Variants in GRID2 observed in about 807,000 individuals in gnomAD.
The protein encoded by GRID2 is glutamate ionotropic receptor delta type subunit 2, also known as glutamate receptor ionotropic, delta-2.
GRID2 carries 33 observed loss-of-function variants against 114.8 expected under a neutral mutation model. That is an observed-to-expected ratio of 0.29 (90% CI 0.22 to 0.38). GRID2 has a LOEUF of 0.38. Ranked by LOEUF, GRID2 falls within the 10% of genes least tolerant of loss-of-function variation. The pLI, the probability that GRID2 is intolerant of heterozygous loss-of-function variation, is 1.00. For synonymous variants in GRID2, 505 were observed against 449.9 expected (o/e 1.12, Z -1.55); for missense variants, 1,184 against 1,257.7 (o/e 0.94, Z 0.89).
chr4:93,228,481 G>C (rs938615648), intron 7 of GRID2, among the ~76,000 whole-genome samples: 1 of 152,010 alleles, frequency 6.6e-6, no homozygotes, highest in African/African-American at 2.4e-5. Context: ...GTTTTGGTGG[G>C]GATTTCAAAC....
At position 93,068,825 on chromosome 4, in the gene GRID2, TAAAG is replaced by T. The variant is rs543765836; in HGVS notation, c.245-16166_245-16163del. Among the ~76,000 whole-genome samples the T allele has an allele frequency of 8.5e-5, 13 of 152,094 alleles. No individual in the cohort carries two copies. The South Asian group carries it at 2.5e-3, about 29-fold the overall frequency. On this transcript the variant is annotated intron_variant, in intron 2 of 15. Transcript: ENST00000282020. ...GTATTATTTCATTATTGCATTGCTA[TAAAG>T]AAATACCTGATATTGGGTAATTGAT... is the stretch of plus-strand genomic sequence containing the variant.
chr4:93,207,538 T>G (rs1466744424), intron 5 of GRID2, 81 bp downstream of exon 5: 2 of 858,612 alleles, frequency 2.3e-6, no homozygotes, highest in African/African-American at 3.4e-5. Context: ...GGCCTTGAAT[T>G]TTTAAGCGGA....
intron 12 of GRID2, among the ~76,000 whole-genome samples, chr4:93,500,282 T>C (rs1014744668): frequency 5.3e-5 from 8 of 151,910 alleles, no homozygotes; most frequent in Non-Finnish European, 8.8e-5. Context: ...TTTAGTGTAG[T>C]GTTTAGTGTA....
intron 7 of GRID2, among the ~76,000 whole-genome samples, chr4:93,228,998 G>C (rs542580929): frequency 6.6e-6 from 1 of 152,042 alleles, no homozygotes; most frequent in Non-Finnish European, 1.5e-5. Flanking sequence ...GTGGGACTAT[G>C]TGTACATTTG....
Position 93,085,267 on chromosome 4 carries a change from G to A in GRID2, c.517G>A (p.Asp173Asn), listed in dbSNP as rs1285272294. The A allele has an allele frequency of 4.3e-6, 7 of 1,609,572 alleles. No homozygotes were observed. In the South Asian group the frequency reaches 4.4e-5, roughly 10 times the overall value. The change falls in exon 3 of 16, where the codon GAT becomes AAT. Residue 173 changes from aspartate (D) to asparagine (N), a missense_variant. Physicochemically the swap from Asp to Asn is conservative, Grantham distance 23. Coordinates refer to ENST00000282020, the MANE Select transcript of GRID2 (RefSeq NM_001510.4). ...YAWQKFIIFY[D>N]SEYDIRGIQE... ...CTGGCAGAAATTCATTATATTCTAT[G>A]ATAGTGAATACGGTAAGTGTTTATA...
At chr4:93,361,414 C>T (rs1237731374) in intron 8 of GRID2, among the ~76,000 whole-genome samples, 1 of 151,610 alleles carries the variant, frequency 6.6e-6, no homozygotes, top group Non-Finnish European at 1.5e-5. Flanking sequence ...CTTTTCAGGG[C>T]TGTATGAAGT....
rs1005687004 is a variant in GRID2 at position 93,690,394 on chromosome 4, T to C, written c.2360+63959T>C. The stretch of plus-strand genomic sequence containing the variant: ...TAAGGAGCATTCATTATTTTTGTAA[T>C]TTAAATAATTTAAAATAACACTGCA... On this transcript the variant is annotated intron_variant, in intron 14 of 15. Transcript: ENST00000282020. Among the ~76,000 whole-genome samples, 102 of 152,000 alleles carry C rather than the reference T, an allele frequency of 6.7e-4. 1 individual carries two copies. Among genetic ancestry groups the C allele is most frequent in the Non-Finnish European group, 1.5e-4 (10 of 67,922 alleles).
At chr4:93,732,932 AAAG>A (rs1248490541) in intron 14 of GRID2, among the ~76,000 whole-genome samples, 10 of 152,038 alleles carry the variant, frequency 6.6e-5, no homozygotes, top group Non-Finnish European at 1.2e-4. Context: ...AAAAAAAAAA[AAAG>A]AAGAGAAACT....
At chr4:93,050,509 G>GGTGT (rs70942946) in intron 2 of GRID2, among the ~76,000 whole-genome samples, 3,613 of 144,052 alleles carry the variant, frequency 0.025, 55 homozygotes, top group Non-Finnish European at 0.038. Flanking sequence ...AATAATACCT[G>GGTGT]GTGTGTGTGT....
intron 14 of GRID2, among the ~76,000 whole-genome samples, chr4:93,675,310 T>G (rs1458963225): frequency 1.3e-5 from 2 of 152,180 alleles, no homozygotes; most frequent in African/African-American, 4.8e-5. Flanking sequence ...AACAGTTTTT[T>G]TTAATAGATA....
intron 13 of GRID2, among the ~76,000 whole-genome samples, chr4:93,604,962 A>G (rs562819077): frequency 2.0e-5 from 3 of 152,174 alleles, no homozygotes; most frequent in African/African-American, 7.2e-5. Flanking sequence ...CTTTATTGCA[A>G]TATTTGTTTT....
intron 2 of GRID2, among the ~76,000 whole-genome samples, chr4:93,016,443 TAGTAG>T (rs1421426003): frequency 1.3e-5 from 2 of 152,090 alleles, no homozygotes; most frequent in African/African-American, 2.4e-5. Context: ...ACCAAGAGGA[TAGTAG>T]AGTAAAGAGA....
At chr4:92,900,912 G>A (rs1014802037) in intron 2 of GRID2, among the ~76,000 whole-genome samples, 3 of 141,672 alleles carry the variant, frequency 2.1e-5, no homozygotes, top group Non-Finnish European at 3.0e-5. Flanking sequence ...ATGATTTCAT[G>A]TTTTATGACT....
intron 1 of GRID2, among the ~76,000 whole-genome samples, chr4:92,579,086 A>G (rs773310252): frequency 1.3e-5 from 2 of 152,246 alleles, no homozygotes; most frequent in South Asian, 2.1e-4. Flanking sequence ...AAATCTCCTT[A>G]TGTTTCCCTT....
intron 13 of GRID2, among the ~76,000 whole-genome samples, chr4:93,528,614 T>C (rs1394561680): frequency 6.6e-6 from 1 of 152,108 alleles, no homozygotes; most frequent in African/African-American, 2.4e-5. Flanking sequence ...TGTGCTTGCT[T>C]ATCATATAAA....
At chr4:93,156,040 A>T (rs184335202) in intron 4 of GRID2, among the ~76,000 whole-genome samples, 77 of 151,858 alleles carry the variant, frequency 5.1e-4, no homozygotes, top group Admixed American at 5.1e-3. Context: ...CCACAATGTG[A>T]TTGTTACATA....
At chr4:93,591,372 A>T (rs1334445852) in intron 13 of GRID2, among the ~76,000 whole-genome samples, 1 of 151,168 alleles carries the variant, frequency 6.6e-6, no homozygotes, top group Non-Finnish European at 1.5e-5. Flanking sequence ...TGATTTGCGT[A>T]TATTGAACCA....
At chr4:92,673,975 A>G (rs1415822232) in intron 2 of GRID2, among the ~76,000 whole-genome samples, 3 of 151,220 alleles carry the variant, frequency 2.0e-5, no homozygotes, top group African/African-American at 7.3e-5. Flanking sequence ...AAAGTATAAT[A>G]AAAATAAAAA....
At chr4:92,898,498 T>G (rs1747331954) in intron 2 of GRID2, among the ~76,000 whole-genome samples, 1 of 152,172 alleles carries the variant, frequency 6.6e-6, no homozygotes, top group Admixed American at 6.6e-5. Context: ...CAAAGTCTAT[T>G]TTTTATTAGC....
Sources: allele counts gnomAD v4.1 joint callset (sites outside exome capture counted in the v4.1 genomes callset), GRCh38; gene constraint gnomAD v4.1.1; transcripts MANE v1.5; gene names NCBI Gene and HGNC (gene_info 2026-07-23, HGNC 2026-07-21).